PAN3: variants seen among roughly 807,000 people sequenced by gnomAD.
PAN3 encodes the protein poly(A) specific ribonuclease subunit PAN3, also known as PAN2-PAN3 deadenylation complex subunit PAN3.
In PAN3, 19 loss-of-function variants were observed where a neutral mutation model predicts 96.2. That is an observed-to-expected ratio of 0.20 (90% CI 0.14 to 0.29). The LOEUF (loss-of-function observed/expected upper bound fraction) is 0.29, where lower values mean the gene tolerates loss of function less well. Ranked by LOEUF, PAN3 falls within the 10% of genes least tolerant of loss-of-function variation. The probability of loss-of-function intolerance (pLI) is 1.00; values close to 1 mark genes in which losing one functional copy is unlikely to be tolerated. For missense variants in PAN3, 882 were observed against 1,108.1 expected (o/e 0.80, Z 2.90); for synonymous variants, 433 against 406.6 (o/e 1.06, Z -0.78).
intron 6 of PAN3, 67 bp downstream of exon 6, chr13:28,220,445 T>A: frequency 6.7e-7 from 1 of 1,502,378 alleles, no homozygotes; most frequent in Non-Finnish European, 9.0e-7. Context: ...TACTATTAAT[T>A]TATCAGAACT....
At chr13:28,146,476 C>A (rs1438013924) in intron 1 of PAN3, among the ~76,000 whole-genome samples, 1 of 151,868 alleles carries the variant, frequency 6.6e-6, no homozygotes, top group Non-Finnish European at 1.5e-5. Flanking sequence ...GGTTGGAAGT[C>A]CCAGATGAGG....
At chr13:28,264,568 T>C (rs1479049542) in intron 9 of PAN3, among the ~76,000 whole-genome samples, 4 of 152,178 alleles carry the variant, frequency 2.6e-5, no homozygotes, top group Non-Finnish European at 5.9e-5. Context: ...TTAAAGCTTA[T>C]TACATAGAAC....
At chr13:28,168,564 C>CA (rs754549379) in intron 1 of PAN3, among the ~76,000 whole-genome samples, 39 of 152,050 alleles carry the variant, frequency 2.6e-4, no homozygotes, top group Admixed American at 6.6e-5. Context: ...ACTAAAAATA[C>CA]AAAAATTAGC....
intron 6 of PAN3, among the ~76,000 whole-genome samples, chr13:28,236,831 C>T (rs1464443237): frequency 2.0e-5 from 3 of 152,136 alleles, no homozygotes; most frequent in African/African-American, 4.8e-5. Context: ...GTCTTGAACT[C>T]CTGGACTCAA....
At chr13:28,148,214 C>T (rs920325799) in intron 1 of PAN3, among the ~76,000 whole-genome samples, 6 of 151,952 alleles carry the variant, frequency 3.9e-5, no homozygotes, top group Non-Finnish European at 5.9e-5. Context: ...TCTTGGCCTC[C>T]GAGAATGTTG....
intron 9 of PAN3, among the ~76,000 whole-genome samples, chr13:28,262,792 T>A (rs1012781208): frequency 4.6e-5 from 7 of 152,210 alleles, no homozygotes; most frequent in African/African-American, 1.7e-4. Flanking sequence ...AACTTCAAAA[T>A]ATAATTAAAA....
intron 1 of PAN3, among the ~76,000 whole-genome samples, chr13:28,168,949 T>G (rs1419905738): frequency 6.6e-6 from 1 of 150,596 alleles, no homozygotes; most frequent in Non-Finnish European, 1.5e-5. Context: ...ACCCGGGAGG[T>G]TGAACTTGCA....
At chr13:28,231,098 C>A (rs1166868487) in intron 6 of PAN3, among the ~76,000 whole-genome samples, 4 of 152,144 alleles carry the variant, frequency 2.6e-5, no homozygotes, top group African/African-American at 9.7e-5. Flanking sequence ...AGTAAGTAAC[C>A]TACTATTATA....
chr13:28,156,008 T>G lies in PAN3; in HGVS notation c.430+16921T>G, dbSNP rs576013284. Among the ~76,000 whole-genome samples the G allele has an allele frequency of 5.3e-5, 8 of 152,264 alleles. No homozygotes were observed. The Middle Eastern group carries it at 0.01, about 194-fold the overall frequency. ...TAGGATATGCTAGTAAGTGATATGATAAGATCTGTGTTTTACCACCCCCAA... is the reference window on the plus strand; with the variant it reads ...TAGGATATGCTAGTAAGTGATATGAGAAGATCTGTGTTTTACCACCCCCAA... On this transcript the variant is annotated intron_variant, in intron 1 of 18. Coordinates refer to ENST00000380958, the MANE Select transcript of PAN3 (RefSeq NM_175854.8).
chr13:28,273,963 TCA>T (rs1168007403), intron 14 of PAN3, among the ~76,000 whole-genome samples: 2 of 152,212 alleles, frequency 1.3e-5, no homozygotes, highest in Admixed American at 1.3e-4. Flanking sequence ...GTTTAGTATT[TCA>T]GTTCATGCAT....
At chr13:28,180,017 GAT>G (rs1875560387) in intron 4 of PAN3, among the ~76,000 whole-genome samples, 1 of 152,070 alleles carries the variant, frequency 6.6e-6, no homozygotes, top group Non-Finnish European at 1.5e-5. Flanking sequence ...TATTTGGAGA[GAT>G]ATTAGAATAT....
Position 28,138,613 on chromosome 13 carries a change from G to GGCGGCGGCC in PAN3, c.-40_-39insGGCCGCGGC. On this transcript the variant is annotated 5_prime_UTR_variant, in exon 1 of 19. Transcript: ENST00000380958. ...CTCCCCCGTCTATGGTGGTGGCGGC[G>GGCGGCGGCC]GCGGCTCCTCGGGCGGCGGCGGAAG... 2 of 492,504 alleles carry GGCGGCGGCC rather than the reference G, an allele frequency of 4.1e-6. No individual in the cohort carries two copies. The highest frequency in any genetic ancestry group is 6.9e-6 in the Non-Finnish European group (2 of 288,648). 30.5% of individuals were successfully genotyped at this position (492,504 alleles called of 1,614,324 possible).
intron 17 of PAN3, among the ~76,000 whole-genome samples, chr13:28,283,098 G>A (rs1309862624): frequency 1.3e-5 from 2 of 151,944 alleles, no homozygotes; most frequent in East Asian, 3.9e-4. Flanking sequence ...CCCCAGGCTG[G>A]AGTGCAATGG....
intron 8 of PAN3, 151 bp from the exon 9 acceptor site, chr13:28,261,250 C>T: frequency 2.3e-6 from 1 of 444,288 alleles, no homozygotes; most frequent in Non-Finnish European, 3.9e-6. Flanking sequence ...GACATTTTAC[C>T]ATGTTTAGAA....
At position 28,139,034 on chromosome 13, in the gene PAN3, C is replaced by T. The variant is rs1460164498; in HGVS notation, c.377C>T (p.Ala126Val). 2 of 1,275,190 alleles carry T rather than the reference C, an allele frequency of 1.6e-6. No individual in the cohort carries two copies. The highest frequency in any genetic ancestry group is 9.9e-7 in the Non-Finnish European group (1 of 1,011,398). The allele number at this position is 1,275,190 out of a possible 1,614,324, so 79.0% of individuals were successfully genotyped here. A position where few individuals can be genotyped will look rare whatever the true frequency, so the allele number is the denominator to read the frequency against. The stretch of plus-strand genomic sequence containing the variant: ...GACCTGGGGGACCCGGGGACCGGAG[C>T]CGCAGCCGGCGGAGGAGGCAGTAGC... ...KPDLGDPGTG[A>V]AAGGGGSSGG... The change falls in exon 1 of 19, where the codon GCC becomes GTC. Residue 126 changes from alanine to valine, a missense_variant. Coordinates refer to ENST00000380958, the MANE Select transcript of PAN3 (RefSeq NM_175854.8).
chr13:28,138,744 C>T lies in PAN3; in HGVS notation c.87C>T (p.Ala29=), dbSNP rs910780287. ...TGGCGGCGGCGGTGGCGGTGGTGGC[C>T]CCGCCGGGGGTCGGGGGTGTCCCCG... The part of the protein sequence containing the change: ...SSLAAAVAVV[A]PPGVGGVPGG... The change falls in exon 1 of 19, where the codon GCC becomes GCT. Residue 29 remains alanine, a synonymous_variant. Transcript: ENST00000380958. The T allele has an allele frequency of 7.6e-7, 1 of 1,310,248 alleles. No individual in the cohort carries two copies. Among genetic ancestry groups the T allele is most frequent in the South Asian group, 2.1e-5 (1 of 47,704 alleles). 81.2% of individuals were successfully genotyped at this position (1,310,248 alleles called of 1,614,324 possible). A position where few individuals can be genotyped will look rare whatever the true frequency, so the allele number is the denominator to read the frequency against.
chr13:28,162,878 A>C (rs1306336305), intron 1 of PAN3, among the ~76,000 whole-genome samples: 3 of 151,908 alleles, frequency 2.0e-5, no homozygotes, highest in Non-Finnish European at 2.9e-5. Flanking sequence ...AAAAAAAAAA[A>C]AACCTAACAA....
intron 4 of PAN3, among the ~76,000 whole-genome samples, chr13:28,194,418 G>GTATATA: frequency 6.9e-6 from 1 of 145,396 alleles, no homozygotes. Context: ...ATATATATAC[G>GTATATA]TGTGTGTGTG....
chr13:28,144,211 GTTTTTTTTTT>G (rs972669575), intron 1 of PAN3, among the ~76,000 whole-genome samples: 2 of 101,530 alleles, frequency 2.0e-5, no homozygotes, highest in Non-Finnish European at 4.0e-5. Flanking sequence ...AAGTTTTTTT[GTTTTTTTTTT>G]TTTTTTTTTT....
Sources: allele counts gnomAD v4.1 joint callset (sites outside exome capture counted in the v4.1 genomes callset), GRCh38; gene constraint gnomAD v4.1.1; transcripts MANE v1.5; gene names NCBI Gene and HGNC (gene_info 2026-07-23, HGNC 2026-07-21).